DDR1: variants seen among roughly 807,000 people sequenced by gnomAD.
DDR1 encodes discoidin domain receptor tyrosine kinase 1, also known as epithelial discoidin domain-containing receptor 1.
A neutral mutation model predicts 97.4 loss-of-function variants in DDR1; 64 were observed. The ratio of observed to expected loss-of-function variants is 0.66; its 90% CI spans 0.54 to 0.81. The LOEUF (loss-of-function observed/expected upper bound fraction) is 0.81, where lower values mean the gene tolerates loss of function less well. Among genes scored for constraint, DDR1 ranks in the 30% least tolerant of loss-of-function variants. The pLI is 0.00. For synonymous variants in DDR1, 458 were observed against 503.7 expected, an observed-to-expected ratio of 0.91 and a Z score of 1.21; for missense variants, 990 against 1,259.6, an observed-to-expected ratio of 0.79 and a Z score of 3.24.
Position 30,899,502 on chromosome 6 carries a change from C to T in DDR1, c.*206C>T, listed in dbSNP as rs1792204935. 1.6e-6 allele frequency: 1 copy of T among 618,036 alleles called. No homozygotes were observed. The highest frequency in any genetic ancestry group is 2.7e-6 in the Non-Finnish European group (1 of 367,054). The allele number at this position is 618,036 out of a possible 1,614,324, so 38.3% of individuals were successfully genotyped here. On this transcript the variant is annotated 3_prime_UTR_variant, in exon 18 of 18. Coordinates refer to ENST00000376568, the MANE Select transcript of DDR1 (RefSeq NM_001297654.2). Reference sequence around the variant, plus strand: ...CCTGGACACACTCTCATGTCCCCTTCCTGTTCTTCCTTCCTAGAAGCCCCT... The same window carrying T: ...CCTGGACACACTCTCATGTCCCCTTTCTGTTCTTCCTTCCTAGAAGCCCCT...
rs779061581 is a variant in DDR1, at chr6:30,891,458, ATGACGGACATACCG to A, written c.647_660del (p.Asp216GlyfsTer20). 6.2e-7 allele frequency: 1 copy of A among 1,612,588 alleles called. No homozygotes were observed. Among genetic ancestry groups the A allele is most frequent in the Non-Finnish European group, 8.5e-7 (1 of 1,179,842 alleles). ...GCCGTGTACCTCAACGACTCCACCT[ATGACGGACATACCG>A]TGGGCGGGTAAGAAAGGCCCCTGCA... On this transcript the variant is annotated frameshift_variant, in exon 6 of 18. Coordinates refer to ENST00000376568, the MANE Select transcript of DDR1 (RefSeq NM_001297654.2). LOFTEE classifies it high-confidence loss of function. The surrounding 1 kb of genome is among the most constrained non-coding windows in gnomAD (Gnocchi z 5.3).
rs1433146895 is a variant in DDR1, at chr6:30,893,360, G to T, written c.1284G>T (p.Leu428=). ...TCGGCTGCCTGGTGGCCATCATCCT[G>T]CTCCTGCTGCTCATCATTGCCCTCA... ...ILIGCLVAII[L]LLLLIIALML... is the part of the protein sequence containing the mutation. The change falls in exon 10 of 18, where the codon CTG becomes CTT. Residue 428 remains leucine, a synonymous_variant. Transcript: ENST00000376568. 5.0e-6 allele frequency: 8 copies of T among 1,607,984 alleles called. No individual in the cohort carries two copies. The highest frequency in any genetic ancestry group is 6.8e-6 in the Non-Finnish European group (8 of 1,179,832).
chr6:30,897,335 G>A lies in DDR1; in HGVS notation c.1998-44G>A, dbSNP rs1378208645. ...GGTGGGGGCGCGGGGGAAGGTGCAG[G>A]CCGCCCACTCGGCATTCCTCTTCAG... On this transcript the variant is annotated intron_variant, in intron 14 of 17. Coordinates refer to ENST00000376568, the MANE Select transcript of DDR1 (RefSeq NM_001297654.2). The surrounding 1 kb of genome is among the most constrained non-coding windows in gnomAD (Gnocchi z 5.2). 6.3e-7 allele frequency: 1 copy of A among 1,595,940 alleles called. No individual in the cohort carries two copies. The highest frequency in any genetic ancestry group is 1.3e-5 in the African/African-American group (1 of 74,562).
chr6:30,886,126 C>A lies in DDR1; in HGVS notation c.-43+1416C>A, dbSNP rs1236011970. Among the ~76,000 whole-genome samples the A allele has an allele frequency of 6.6e-6, 1 of 152,064 alleles. No individual in the cohort carries two copies. The highest frequency in any genetic ancestry group is 1.5e-5 in the Non-Finnish European group (1 of 68,006). ...GTGTTCCTCTGCTTGGCTCTGTGCC[C>A]CGTGTTTCTGAGCCTGCTCTATTTA... On this transcript the variant is annotated intron_variant, in intron 1 of 17. Transcript: ENST00000376568. This position sits in a 1 kb window ranked among gnomAD's most constrained non-coding sequence, Gnocchi z 4.6.
At position 30,890,849 on chromosome 6, in the gene DDR1, T is replaced by C; in HGVS notation, c.418-124T>C. The C allele has an allele frequency of 9.8e-7, 1 of 1,020,140 alleles. No homozygotes were observed. The allele number at this position is 1,020,140 out of a possible 1,614,324, so 63.2% of individuals were successfully genotyped here. On this transcript the variant is annotated intron_variant, in intron 4 of 17. Transcript: ENST00000376568. The surrounding 1 kb of genome is among the most constrained non-coding windows in gnomAD (Gnocchi z 5.0). Reference sequence around the variant, plus strand: ...GGCTGCGCCCCACAGTGCTGTGTGCTCGGTGCCACCCCTCATGGGTCTCTA... The same window carrying C: ...GGCTGCGCCCCACAGTGCTGTGTGCCCGGTGCCACCCCTCATGGGTCTCTA...
In DDR1 at chr6:30,899,261, C is replaced by T. The variant is rs766893592; in HGVS notation, c.2707C>T (p.Arg903Trp). The T allele has an allele frequency of 6.2e-6, 10 of 1,613,600 alleles. No individual in the cohort carries two copies. The highest frequency in any genetic ancestry group is 2.2e-5 in the East Asian group (1 of 44,872). Reference protein sequence around the residue: ...EQRPPFSQLHRFLAEDALNTV With the variant: ...EQRPPFSQLHWFLAEDALNTV ...GCGACCACCCTTTTCCCAGCTGCAT[C>T]GGTTCCTGGCAGAGGATGCACTCAA... Residue 903 changes from arginine (R) to tryptophan (W), a missense_variant, in exon 18 of 18, where the codon CGG (arginine) becomes TGG (tryptophan). Transcript: ENST00000376568.
chr6:30,892,510 G>A lies in DDR1; in HGVS notation c.1067G>A (p.Trp356Ter). ...LQCRFLFAGP[W>*]LLFSEISFIS... is the part of the protein sequence containing the mutation. Reference sequence around the variant, plus strand: ...TGCCGCTTCCTCTTTGCGGGGCCCTGGTTACTCTTCAGCGAAATCTCCTTC... The same window carrying A: ...TGCCGCTTCCTCTTTGCGGGGCCCTAGTTACTCTTCAGCGAAATCTCCTTC... The change falls in exon 8 of 18, where the codon TGG becomes TAG. Residue 356 changes from tryptophan to a stop codon, truncating the protein, a stop_gained. Coordinates refer to ENST00000376568, the MANE Select transcript of DDR1 (RefSeq NM_001297654.2). LOFTEE classifies it high-confidence loss of function. 2 of 1,603,588 alleles carry A rather than the reference G, an allele frequency of 1.2e-6. No individual in the cohort carries two copies. The highest frequency in any genetic ancestry group is 1.7e-6 in the Non-Finnish European group (2 of 1,174,188).
chr6:30,888,591 C>A lies in DDR1; in HGVS notation c.-42-97C>A. ...AACAATGACTGTTGTTGTTGTTTTA[C>A]TGTTATTATCCCCAAAGCGGCCCAT... On this transcript the variant is annotated intron_variant, in intron 1 of 17. Coordinates refer to ENST00000376568, the MANE Select transcript of DDR1 (RefSeq NM_001297654.2). This position sits in a 1 kb window ranked among gnomAD's most constrained non-coding sequence, Gnocchi z 4.2. 1 of 1,327,828 alleles carries A rather than the reference C, an allele frequency of 7.5e-7. No homozygotes were observed. The highest frequency in any genetic ancestry group is 1.0e-6 in the Non-Finnish European group (1 of 979,776). The allele number at this position is 1,327,828 out of a possible 1,614,324, so 82.3% of individuals were successfully genotyped here.
Position 30,897,984 on chromosome 6 carries a change from A to C in DDR1, c.2217-89A>C. ...CACCTCCACATGGGGAGCCAGAGTGACCGGGCCCGGGGAGTGGGCTCTCTC... is the reference window on the plus strand; with the variant it reads ...CACCTCCACATGGGGAGCCAGAGTGCCCGGGCCCGGGGAGTGGGCTCTCTC... On this transcript the variant is annotated intron_variant, in intron 15 of 17. Transcript: ENST00000376568. The surrounding 1 kb of genome is among the most constrained non-coding windows in gnomAD (Gnocchi z 5.2). The C allele has an allele frequency of 1.0e-6, 1 of 1,001,782 alleles. No homozygotes were observed. Among genetic ancestry groups the C allele is most frequent in the Non-Finnish European group, 1.5e-6 (1 of 660,012 alleles). The allele number at this position is 1,001,782 out of a possible 1,614,324, so 62.1% of individuals were successfully genotyped here. A position where few individuals can be genotyped will look rare whatever the true frequency, so the allele number is the denominator to read the frequency against.
Position 30,893,120 on chromosome 6 carries a change from C to A in DDR1, c.1152C>A (p.Pro384=), listed in dbSNP as rs767043024. 3 of 1,611,480 alleles carry A rather than the reference C, an allele frequency of 1.9e-6. No individual in the cohort carries two copies. Among genetic ancestry groups the A allele is most frequent in the South Asian group, 2.2e-5 (2 of 90,996 alleles). ...TGGGAGGCACCTTCCCGCCAGCCCC[C>A]TGGTGGCCGCCTGGCCCACCTCCCA... The part of the protein sequence containing the change: ...PALGGTFPPA[P]WWPPGPPPTN... The change falls in exon 9 of 18, where the codon CCC becomes CCA. Residue 384 remains proline (P), a synonymous_variant. Coordinates refer to ENST00000376568, the MANE Select transcript of DDR1 (RefSeq NM_001297654.2).
rs745987755 is a variant in DDR1, at chr6:30,889,184, G to C, written c.189-18G>C. On this transcript the variant is annotated intron_variant, in intron 3 of 17. Coordinates refer to ENST00000376568, the MANE Select transcript of DDR1 (RefSeq NM_001297654.2). The surrounding 1 kb of genome is among the most constrained non-coding windows in gnomAD (Gnocchi z 4.9). ...AGACCTGGGGCCAGATGTTCTCTGT[G>C]CCCCTCTTCACCCTCAGGTTGGAGA... is the stretch of plus-strand genomic sequence containing the variant. 1.2e-5 allele frequency: 19 copies of C among 1,611,680 alleles called. No homozygotes were observed. The highest frequency in any genetic ancestry group is 1.6e-5 in the Non-Finnish European group (19 of 1,178,946).
intron 7 of DDR1, 27 bp downstream of exon 7, chr6:30,892,215 G>T (rs2150350115): frequency 6.2e-7 from 1 of 1,612,650 alleles, no homozygotes; most frequent in Non-Finnish European, 8.5e-7. Flanking sequence ...CTCGAGGAGG[G>T]CTCTGAAGCC....
intron 1 of DDR1, chr6:30,885,689 G>A (rs1308577185): frequency 4.6e-6 from 6 of 1,316,888 alleles, no homozygotes; most frequent in African/African-American, 1.5e-5. Flanking sequence ...AGGTGTGGAC[G>A]GGTTGATGTA....
At position 30,894,226 on chromosome 6, in the gene DDR1, G is replaced by A. The variant is rs1345623960; in HGVS notation, c.1348-280G>A. Among the ~76,000 whole-genome samples the A allele has an allele frequency of 1.3e-5, 2 of 151,864 alleles. No individual in the cohort carries two copies. The highest frequency in any genetic ancestry group is 2.4e-5 in the African/African-American group (1 of 41,326). On this transcript the variant is annotated intron_variant, in intron 10 of 17. Coordinates refer to ENST00000376568, the MANE Select transcript of DDR1 (RefSeq NM_001297654.2). This position sits in a 1 kb window ranked among gnomAD's most constrained non-coding sequence, Gnocchi z 5.7. ...CATGCCATTTCACTTCAGCCTGGGC[G>A]ACAAGAGCAAAATTCCATCTCAAAA...
chr6:30,892,683 C>G (rs1487994576), intron 8 of DDR1, 141 bp downstream of exon 8: 2 of 1,189,122 alleles, frequency 1.7e-6, no homozygotes, highest in Middle Eastern at 2.8e-4. Flanking sequence ...AGGGGTGCCC[C>G]AAATAACTTG....
In DDR1 at chr6:30,893,504, C is replaced by T. The variant is rs918236736; in HGVS notation, c.1347+81C>T. On this transcript the variant is annotated intron_variant, in intron 10 of 17. Transcript: ENST00000376568. ...CCAGCGTCCAGTGGGACCTGCAGGG[C>T]ACAGCCCACTAGCATCCCAAGAGGA... 4.6e-6 allele frequency: 7 copies of T among 1,515,246 alleles called. No homozygotes were observed. In the African/African-American group the frequency reaches 9.6e-5, roughly 21 times the overall value. 93.9% of individuals were successfully genotyped at this position (1,515,246 alleles called of 1,614,324 possible). A position where few individuals can be genotyped will look rare whatever the true frequency, so the allele number is the denominator to read the frequency against.
rs1325633313 is a variant in DDR1, at chr6:30,897,578, G to A, written c.2197G>A (p.Ala733Thr). Reference protein sequence around the residue: ...AEGAPGDGQAAQGPTISYPML... With the variant: ...AEGAPGDGQATQGPTISYPML... ...GGGGGCCCCTGGGGACGGGCAGGCT[G>A]CGCAGGGGCCCACCATCAGGTACCT... Residue 733 changes from alanine (A) to threonine (T), a missense_variant, in exon 15 of 18, where the codon GCG becomes ACG. Physicochemically the swap from Ala to Thr is moderately conservative, Grantham distance 58. Transcript: ENST00000376568. This position sits in a 1 kb window ranked among gnomAD's most constrained non-coding sequence, Gnocchi z 5.2. The A allele has an allele frequency of 1.2e-6, 2 of 1,612,010 alleles. No individual in the cohort carries two copies.
rs1049623 is a variant in DDR1 at position 30,897,052 on chromosome 6, T to G, written c.1908T>G (p.Val636=). ...LCEVDSPQDL[V]SLDFPLNVRK... is the part of the protein sequence containing the mutation. ...AGGTCGACAGCCCTCAAGATCTGGT[T>G]AGTCTTGATTTCCCCCTTAATGTGC... The change falls in exon 14 of 18, where the codon GTT becomes GTG. Residue 636 remains valine (V), a synonymous_variant. Transcript: ENST00000376568. The surrounding 1 kb of genome is among the most constrained non-coding windows in gnomAD (Gnocchi z 5.2). The G allele has an allele frequency of 6.2e-7, 1 of 1,613,322 alleles. No homozygotes were observed. The highest frequency in any genetic ancestry group is 8.5e-7 in the Non-Finnish European group (1 of 1,179,766).
Position 30,890,909 on chromosome 6 carries a change from G to A in DDR1, c.418-64G>A. 1 of 1,515,682 alleles carries A rather than the reference G, an allele frequency of 6.6e-7. No individual in the cohort carries two copies. Among genetic ancestry groups the A allele is most frequent in the Non-Finnish European group, 8.8e-7 (1 of 1,131,260 alleles). The allele number at this position is 1,515,682 out of a possible 1,614,324, so 93.9% of individuals were successfully genotyped here. The stretch of plus-strand genomic sequence containing the variant: ...TGTGGGCTGGGCCAGGGAGCAGCTG[G>A]TGGGTGGGAAGTAAGATCTGACCTG... On this transcript the variant is annotated intron_variant, in intron 4 of 17. Transcript: ENST00000376568. This position sits in a 1 kb window ranked among gnomAD's most constrained non-coding sequence, Gnocchi z 5.0.
Sources: allele counts gnomAD v4.1 joint callset (sites outside exome capture counted in the v4.1 genomes callset), GRCh38; gene constraint gnomAD v4.1.1; non-coding constraint Gnocchi (gnomAD v3.1); transcripts MANE v1.5; gene names NCBI Gene and HGNC (gene_info 2026-07-23, HGNC 2026-07-21).